The following TMEM45A variants were observed in gnomAD, a reference collection of about 807,000 sequenced individuals.
The protein encoded by TMEM45A is DNA polymerase-transactivated protein 4.
A neutral mutation model predicts 32.0 loss-of-function variants in TMEM45A; 25 were observed. The ratio of observed to expected loss-of-function variants is 0.78; its 90% confidence interval spans 0.57 to 1.09. The LOEUF is 1.09. Ranked by LOEUF, TMEM45A falls within the 50% of genes least tolerant of loss-of-function variation. The pLI, the probability that TMEM45A is intolerant of heterozygous loss-of-function variation, is 0.00. For synonymous variants in TMEM45A, 122 were observed against 114.8 expected, an observed-to-expected ratio of 1.06 and a Z score of -0.40; for missense variants, 302 against 325.0, an observed-to-expected ratio of 0.93 and a Z score of 0.54.
At chr3:100,576,631 T>C (rs566135344) in intron 5 of TMEM45A, among the ~76,000 whole-genome samples, 4 of 150,830 alleles carry the variant, frequency 2.7e-5, no homozygotes, top group South Asian at 2.1e-4. Context: ...TAAAAAAAAA[T>C]AGAAAAGAAA....
At chr3:100,568,007 G>A (rs982753615) in intron 4 of TMEM45A, among the ~76,000 whole-genome samples, 2 of 152,174 alleles carry the variant, frequency 1.3e-5, no homozygotes, top group South Asian at 2.1e-4. Context: ...GGATGGTCTC[G>A]ATCTCCTGAC....
rs1264733523 is a variant in TMEM45A, at chr3:100,577,036, T to G, written c.*18T>G. 1 of 1,590,734 alleles carries G rather than the reference T, an allele frequency of 6.3e-7. No individual in the cohort carries two copies. Among genetic ancestry groups the G allele is most frequent in the Non-Finnish European group, 8.6e-7 (1 of 1,164,242 alleles). On this transcript the variant is annotated 3_prime_UTR_variant, in exon 6 of 6. Transcript: ENST00000323523. ...AAATGTGACTTTGATGAGCTTCCAG[T>G]TTTTCTAGATAAACCTTTTCTTTTT...
intron 1 of TMEM45A, among the ~76,000 whole-genome samples, chr3:100,526,689 A>T (rs542881730): frequency 1.3e-5 from 2 of 152,296 alleles, no homozygotes; most frequent in Non-Finnish European, 2.9e-5. Flanking sequence ...ATGGAAAAAA[A>T]TTATCTGCCA....
At chr3:100,549,259 A>T (rs1017079216) in intron 1 of TMEM45A, among the ~76,000 whole-genome samples, 2 of 151,964 alleles carry the variant, frequency 1.3e-5, no homozygotes, top group Non-Finnish European at 2.9e-5. Context: ...AAAAAAACAA[A>T]AAAACAAAAA....
intron 1 of TMEM45A, among the ~76,000 whole-genome samples, chr3:100,510,257 T>C (rs1380324285): frequency 9.2e-5 from 14 of 152,182 alleles, no homozygotes; most frequent in Admixed American, 2.0e-4. Context: ...TCTCCCAGCA[T>C]GCAGCTGGAG....
In TMEM45A at chr3:100,577,391, G is replaced by A. The variant is rs1406246796; in HGVS notation, c.*373G>A. The A allele has an allele frequency of 1.2e-5, 2 of 160,362 alleles. No homozygotes were observed. The highest frequency in any genetic ancestry group is 4.8e-5 in the African/African-American group (2 of 41,508). 9.9% of individuals were successfully genotyped at this position (160,362 alleles called of 1,614,324 possible). On this transcript the variant is annotated 3_prime_UTR_variant, in exon 6 of 6. Transcript: ENST00000323523. ...ACTCCTTGACCATGGAATTATACTT[G>A]TTTATCTTGTTGCTGCAATGAGAAA...
chr3:100,553,650 G>A (rs1706153169), intron 1 of TMEM45A, among the ~76,000 whole-genome samples: 2 of 152,156 alleles, frequency 1.3e-5, no homozygotes, highest in Admixed American at 6.5e-5. Context: ...GACTTTTAGG[G>A]CAGGAAAGAA....
intron 1 of TMEM45A, among the ~76,000 whole-genome samples, chr3:100,522,200 A>G (rs949827678): frequency 6.6e-5 from 10 of 152,156 alleles, no homozygotes; most frequent in Middle Eastern, 3.2e-3. Flanking sequence ...TCCCTGGACC[A>G]TACCCTGTTG....
At chr3:100,567,901 C>A (rs1451873178) in intron 4 of TMEM45A, among the ~76,000 whole-genome samples, 1 of 152,176 alleles carries the variant, frequency 6.6e-6, no homozygotes. Context: ...TCTCCTGCCT[C>A]AGCCTCCCGA....
At chr3:100,545,410 A>G (rs1308828309) in intron 1 of TMEM45A, among the ~76,000 whole-genome samples, 4 of 152,120 alleles carry the variant, frequency 2.6e-5, no homozygotes, top group African/African-American at 9.7e-5. Context: ...TTATATTGTC[A>G]TTTGTATCAC....
intron 4 of TMEM45A, among the ~76,000 whole-genome samples, chr3:100,562,712 T>C (rs1706359733): frequency 6.6e-6 from 1 of 152,312 alleles, no homozygotes; most frequent in Non-Finnish European, 1.5e-5. Context: ...CCATAGATAA[T>C]ATGTTCTGTG....
intron 5 of TMEM45A, 65 bp from the exon 6 acceptor site, chr3:100,576,860 T>A: frequency 8.7e-7 from 1 of 1,155,302 alleles, no homozygotes; most frequent in South Asian, 1.3e-5. Context: ...GTATAATGGG[T>A]GCATATTGCT....
At chr3:100,502,470 A>G (rs1465168959) in intron 1 of TMEM45A, among the ~76,000 whole-genome samples, 1 of 152,102 alleles carries the variant, frequency 6.6e-6, no homozygotes, top group African/African-American at 2.4e-5. Context: ...CTATCGATCT[A>G]TCAATTTTTT....
At chr3:100,576,890 A>T (rs1260373463) in intron 5 of TMEM45A, 35 bp from the exon 6 acceptor site, 10 of 1,505,620 alleles carry the variant, frequency 6.6e-6, no homozygotes, top group Non-Finnish European at 7.4e-6. Flanking sequence ...TATTTTAAAA[A>T]CCGTCTAACT....
intron 1 of TMEM45A, among the ~76,000 whole-genome samples, chr3:100,508,431 G>A (rs1324934827): frequency 6.6e-6 from 1 of 152,070 alleles, no homozygotes; most frequent in Non-Finnish European, 1.5e-5. Flanking sequence ...AAATACCAAT[G>A]ACATTCTTCA....
chr3:100,526,879 G>A (rs562475784), intron 1 of TMEM45A, among the ~76,000 whole-genome samples: 1 of 152,234 alleles, frequency 6.6e-6, no homozygotes, highest in African/African-American at 2.4e-5. Flanking sequence ...CTAGTTCAAG[G>A]TTGGCTTTTA....
At chr3:100,557,078 G>A in intron 3 of TMEM45A, 106 bp downstream of exon 3, 7 of 1,294,128 alleles carry the variant, frequency 5.4e-6, no homozygotes, top group Non-Finnish European at 7.7e-6. Context: ...TTGATTGATA[G>A]GACCATATAT....
At chr3:100,529,844 C>T (rs1023920467) in intron 1 of TMEM45A, among the ~76,000 whole-genome samples, 4 of 152,064 alleles carry the variant, frequency 2.6e-5, no homozygotes, top group Non-Finnish European at 5.9e-5. Flanking sequence ...TCTCAAACTC[C>T]TGAGCTCAAG....
At chr3:100,541,780 C>T (rs1318962406) in intron 1 of TMEM45A, among the ~76,000 whole-genome samples, 2 of 152,098 alleles carry the variant, frequency 1.3e-5, no homozygotes, top group Non-Finnish European at 2.9e-5. Flanking sequence ...GTCTGCCCAC[C>T]TAGGCCTCCC....
Sources: gnomAD v4.1 joint callset for allele counts (sites outside exome capture counted in the v4.1 genomes callset) on GRCh38, gnomAD v4.1.1 for gene constraint, MANE v1.5 for transcripts, NCBI Gene and HGNC (gene_info 2026-07-23, HGNC 2026-07-21) for gene names.